OR51B5: variants seen among roughly 807,000 people sequenced by gnomAD.
OR51B5 encodes olfactory receptor family 51 subfamily B member 5, also known as olfactory receptor 51B5.
For missense variants in OR51B5, 456 were observed against 374.6 expected, an observed-to-expected ratio of 1.22 and a Z score of -1.79; for synonymous variants, 186 against 144.8, an observed-to-expected ratio of 1.28 and a Z score of -2.04.
chr11:5,397,119 AAT>A, intron 1 of OR51B5, among the ~76,000 whole-genome samples: 1 of 152,346 alleles, frequency 6.6e-6, no homozygotes, highest in East Asian at 1.9e-4. Flanking sequence ...AAACCTAAGC[AAT>A]ACCATTCAGG....
rs1353632466 is a variant in OR51B5 at position 5,451,821 on chromosome 11, A to C, written n.84+53748T>G. On this transcript the variant is annotated intron_variant and non_coding_transcript_variant, in intron 1 of 4. Coordinates refer to the OR51B5 transcript ENST00000415970. Reference sequence around the variant, plus strand: ...TGTAATTCTGGGGTCCTTCTCTAAAATGAGGGTGACCTATTAGCTTGAAAT... The same window carrying C: ...TGTAATTCTGGGGTCCTTCTCTAAACTGAGGGTGACCTATTAGCTTGAAAT... Among the ~76,000 whole-genome samples, 4 of 152,192 alleles carry C rather than the reference A, an allele frequency of 2.6e-5. No homozygotes were observed. The East Asian group carries it at 5.8e-4, about 22-fold the overall frequency.
chr11:5,351,477 A>G (rs767326481), intron 1 of OR51B5: 1 of 1,545,362 alleles, frequency 6.5e-7, no homozygotes, highest in Non-Finnish European at 8.8e-7. Context: ...CTTTACCTGG[A>G]GTAAATATTT....
chr11:5,371,563 A>C (rs1849448803), intron 1 of OR51B5, among the ~76,000 whole-genome samples: 1 of 152,148 alleles, frequency 6.6e-6, no homozygotes, highest in East Asian at 1.9e-4. Flanking sequence ...TGGAAATAAC[A>C]TGAAGGACCC....
At chr11:5,352,295 G>A in intron 1 of OR51B5, 1 of 1,614,148 alleles carries the variant, frequency 6.2e-7, no homozygotes, top group Non-Finnish European at 8.5e-7. Context: ...CATAGGTTTG[G>A]AAAGCATGTT....
intron 1 of OR51B5, among the ~76,000 whole-genome samples, chr11:5,487,839 T>A (rs2133812688): frequency 1.3e-5 from 2 of 152,312 alleles, no homozygotes; most frequent in African/African-American, 2.4e-5. Context: ...TCAACAAGCA[T>A]ATCTGATTTA....
At chr11:5,383,958 G>A (rs1164376104) in intron 1 of OR51B5, 1 of 152,160 alleles carries the variant, frequency 6.6e-6, no homozygotes, top group African/African-American at 2.4e-5. Flanking sequence ...TTCAGGAGTG[G>A]GTAATTAGGG....
intron 1 of OR51B5, among the ~76,000 whole-genome samples, chr11:5,352,601 A>G (rs1849116258): frequency 6.6e-6 from 1 of 152,074 alleles, no homozygotes; most frequent in Non-Finnish European, 1.5e-5. Context: ...TACTTAGAAC[A>G]TTATTTTACC....
chr11:5,354,847 G>A (rs577954783), intron 1 of OR51B5: 1 of 190,674 alleles, frequency 5.2e-6, no homozygotes, highest in Non-Finnish European at 1.1e-5. Context: ...AGAAGCAGAG[G>A]GTACCAGACC....
At chr11:5,390,418 G>C (rs1290800152) in intron 1 of OR51B5, 3 of 1,503,194 alleles carry the variant, frequency 2.0e-6, no homozygotes, top group Non-Finnish European at 2.7e-6. Flanking sequence ...CCTATAAGAA[G>C]GCCCCAAATT....
intron 1 of OR51B5, among the ~76,000 whole-genome samples, chr11:5,445,960 A>G (rs1215414607): frequency 6.6e-6 from 1 of 152,118 alleles, no homozygotes; most frequent in Non-Finnish European, 1.5e-5. Flanking sequence ...TTGTAGGGAC[A>G]TGGATGAAGC....
At chr11:5,351,179 T>A (rs559954850) in intron 1 of OR51B5, among the ~76,000 whole-genome samples, 1 of 152,312 alleles carries the variant, frequency 6.6e-6, no homozygotes, top group South Asian at 2.1e-4. Flanking sequence ...TCAAATATAG[T>A]GATTTCTTCT....
intron 1 of OR51B5, among the ~76,000 whole-genome samples, chr11:5,475,453 G>A (rs1257750188): frequency 6.6e-6 from 1 of 152,018 alleles, no homozygotes; most frequent in African/African-American, 2.4e-5. Flanking sequence ...TTTTCCCCAT[G>A]CACTTTCCCT....
chr11:5,359,466 A>G (rs191003300), intron 1 of OR51B5, among the ~76,000 whole-genome samples: 1 of 126,184 alleles, frequency 7.9e-6, no homozygotes, highest in Admixed American at 7.9e-5. Context: ...AAGGAGAACT[A>G]CAAACCACTG....
chr11:5,433,107 T>C (rs1850554630), intron 1 of OR51B5, among the ~76,000 whole-genome samples: 1 of 152,170 alleles, frequency 6.6e-6, no homozygotes. Flanking sequence ...ACAAGTTACC[T>C]CTGAGTTAGA....
intron 1 of OR51B5, chr11:5,454,141 A>G (rs376662232): frequency 6.8e-6 from 11 of 1,613,840 alleles, no homozygotes; most frequent in Non-Finnish European, 9.3e-6. Context: ...TTCCTCTCCT[A>G]TGTGCTCATT....
rs1266870610 is a variant in OR51B5, at chr11:5,505,560, C to T, written n.84+9G>A. The stretch of plus-strand genomic sequence containing the variant: ...CAATTTATAAAAGAAAGAGGTTTAC[C>T]GGACTTACAGTTCCACATAGCTGGG... On this transcript the variant is annotated intron_variant and non_coding_transcript_variant, in intron 1 of 4. Transcript: ENST00000415970. 5.6e-6 allele frequency: 6 copies of T among 1,066,896 alleles called. No individual in the cohort carries two copies. The Admixed American group carries it at 1.3e-4, about 23-fold the overall frequency. 66.1% of individuals were successfully genotyped at this position (1,066,896 alleles called of 1,614,324 possible).
chr11:5,450,880 C>T lies in OR51B5; in HGVS notation n.84+54689G>A, dbSNP rs1202494110. ...TGATGGCTTCCAGCCTCATCCATGT[C>T]CCTGCAAAGGACATGACCTGCATGC... On this transcript the variant is annotated intron_variant and non_coding_transcript_variant, in intron 1 of 4. Transcript: ENST00000415970. Among the ~76,000 whole-genome samples the T allele has an allele frequency of 2.0e-5, 3 of 152,022 alleles. No individual in the cohort carries two copies. The East Asian group carries it at 5.8e-4, about 29-fold the overall frequency.
intron 1 of OR51B5, among the ~76,000 whole-genome samples, chr11:5,423,829 A>G (rs1850398184): frequency 6.6e-6 from 1 of 152,220 alleles, no homozygotes; most frequent in African/African-American, 2.4e-5. Flanking sequence ...GACTTTTCAC[A>G]GTTCCTACCT....
chr11:5,465,835 G>C lies in OR51B5; in HGVS notation n.84+39734C>G, dbSNP rs539205879. Among the ~76,000 whole-genome samples the C allele has an allele frequency of 2.0e-5, 3 of 150,140 alleles. No homozygotes were observed. In the South Asian group the frequency reaches 6.5e-4, roughly 32 times the overall value. ...AGATGGATTAAAGACTTAAACGTTA[G>C]ACCTAAAACCATAAAAACCCTAGAA... is the stretch of plus-strand genomic sequence containing the variant. On this transcript the variant is annotated intron_variant and non_coding_transcript_variant, in intron 1 of 4. Transcript: ENST00000415970.
Sources: gnomAD v4.1 joint callset for allele counts (sites outside exome capture counted in the v4.1 genomes callset) on GRCh38, gnomAD v4.1.1 for gene constraint, MANE v1.5 for transcripts, NCBI Gene and HGNC (gene_info 2026-07-23, HGNC 2026-07-21) for gene names.